The following ANKS1B variants were observed in gnomAD, a reference collection of about 807,000 sequenced individuals.
The protein encoded by ANKS1B is ankyrin repeat and sterile alpha motif domain-containing protein 1B.
ANKS1B carries 36 observed loss-of-function variants against 148.3 expected under a neutral mutation model. The observed-to-expected ratio is 0.24, with a 90% CI of 0.19 to 0.32. The LOEUF is 0.32. Ranked by LOEUF, ANKS1B falls within the 10% of genes least tolerant of loss-of-function variation. The probability of loss-of-function intolerance (pLI) is 1.00; values close to 1 mark genes in which losing one functional copy is unlikely to be tolerated. For synonymous variants in ANKS1B, 542 were observed against 560.8 expected, an observed-to-expected ratio of 0.97 and a Z score of 0.47; for missense variants, 1,157 against 1,542.6, an observed-to-expected ratio of 0.75 and a Z score of 4.19.
At chr12:99,827,241 C>T (rs978710208) in intron 1 of ANKS1B, among the ~76,000 whole-genome samples, 2 of 152,030 alleles carry the variant, frequency 1.3e-5, no homozygotes, top group Non-Finnish European at 2.9e-5. Context: ...TATATCTAAA[C>T]ATTTTCTATG....
intron 12 of ANKS1B, among the ~76,000 whole-genome samples, chr12:99,265,501 G>A (rs2153985068): frequency 6.6e-6 from 1 of 152,272 alleles, no homozygotes; most frequent in South Asian, 2.1e-4. Flanking sequence ...ATGTGATTCT[G>A]ATGCACATTA....
At chr12:98,892,546 T>C (rs1466528617) in intron 17 of ANKS1B, among the ~76,000 whole-genome samples, 3 of 152,262 alleles carry the variant, frequency 2.0e-5, no homozygotes, top group Non-Finnish European at 4.4e-5. Flanking sequence ...TCATATGCAG[T>C]AAATTAATAG....
At chr12:99,745,627 T>C (rs2060523825) in intron 8 of ANKS1B, among the ~76,000 whole-genome samples, 1 of 152,112 alleles carries the variant, frequency 6.6e-6, no homozygotes, top group South Asian at 2.1e-4. Context: ...GCACAAATTG[T>C]AAGCATCAGA....
intron 14 of ANKS1B, among the ~76,000 whole-genome samples, chr12:99,219,787 T>C (rs758358803): frequency 7.9e-5 from 12 of 152,202 alleles, no homozygotes; most frequent in African/African-American, 2.9e-4. Context: ...AATTCAGTCT[T>C]TGAGCATAGC....
At chr12:99,319,359 T>C (rs1242406108) in intron 12 of ANKS1B, among the ~76,000 whole-genome samples, 2 of 152,226 alleles carry the variant, frequency 1.3e-5, no homozygotes, top group Admixed American at 6.5e-5. Context: ...TACTCCTGTA[T>C]TGGGTGCATA....
intron 1 of ANKS1B, among the ~76,000 whole-genome samples, chr12:99,832,966 C>G (rs753692900): frequency 3.0e-4 from 46 of 152,162 alleles, no homozygotes; most frequent in Admixed American, 3.0e-3. Flanking sequence ...TTGTGTGTGT[C>G]TGGAGCATTC....
At position 99,303,740 on chromosome 12, in the gene ANKS1B, G is replaced by T. The variant is rs368216738; in HGVS notation, c.1757-56876C>A. Among the ~76,000 whole-genome samples the T allele has an allele frequency of 5.9e-5, 9 of 151,930 alleles. No homozygotes were observed. The East Asian group carries it at 1.7e-3, about 29-fold the overall frequency. On this transcript the variant is annotated intron_variant, in intron 12 of 26. Transcript: ENST00000683438. ...TTTGGTGCACCCATTACCCAAGGAGGGTACACTGTACTCAATGTGTAGTCT... is the reference window on the plus strand; with the variant it reads ...TTTGGTGCACCCATTACCCAAGGAGTGTACACTGTACTCAATGTGTAGTCT...
At chr12:99,405,884 G>A (rs1352843718) in intron 11 of ANKS1B, among the ~76,000 whole-genome samples, 5 of 145,154 alleles carry the variant, frequency 3.4e-5, no homozygotes, top group Admixed American at 6.8e-5. Flanking sequence ...AAGAGCAGTC[G>A]TAGCTATACT....
chr12:99,648,473 G>A (rs1236119068), intron 9 of ANKS1B: 1 of 1,614,054 alleles, frequency 6.2e-7, no homozygotes, highest in Non-Finnish European at 8.5e-7. Context: ...AATGCCAGGT[G>A]TGGTCCTGCC....
intron 17 of ANKS1B, among the ~76,000 whole-genome samples, chr12:99,044,487 A>G (rs2099961048): frequency 6.6e-6 from 1 of 152,194 alleles, no homozygotes; most frequent in Non-Finnish European, 1.5e-5. Flanking sequence ...TCTCCTGGGC[A>G]TACTGGGAAG....
intron 17 of ANKS1B, among the ~76,000 whole-genome samples, chr12:98,924,895 G>T (rs998829100): frequency 6.6e-6 from 1 of 152,134 alleles, no homozygotes; most frequent in Admixed American, 6.5e-5. Flanking sequence ...AATTTCCATA[G>T]CTCAATGAGT....
At chr12:98,929,459 A>C (rs2099811869) in intron 17 of ANKS1B, among the ~76,000 whole-genome samples, 1 of 152,084 alleles carries the variant, frequency 6.6e-6, no homozygotes, top group Admixed American at 6.6e-5. Flanking sequence ...CAAAGGACCC[A>C]AGATAGCCAC....
intron 15 of ANKS1B, among the ~76,000 whole-genome samples, chr12:99,126,092 T>C (rs2064257013): frequency 6.6e-6 from 1 of 152,204 alleles, no homozygotes; most frequent in Non-Finnish European, 1.5e-5. Flanking sequence ...TTTGAGAAAT[T>C]CAGTGAAAAT....
At chr12:99,654,728 A>T (rs1370183534) in intron 9 of ANKS1B, among the ~76,000 whole-genome samples, 1 of 152,130 alleles carries the variant, frequency 6.6e-6, no homozygotes, top group African/African-American at 2.4e-5. Flanking sequence ...ATGTTTCCTT[A>T]TATCTGTAGA....
intron 9 of ANKS1B, among the ~76,000 whole-genome samples, chr12:99,546,784 C>A (rs1199496982): frequency 6.6e-6 from 1 of 152,056 alleles, no homozygotes; most frequent in Non-Finnish European, 1.5e-5. Context: ...TTAACTATAA[C>A]AGGATTGTGA....
chr12:98,812,457 T>C (rs1336329109), intron 19 of ANKS1B, among the ~76,000 whole-genome samples: 1 of 152,230 alleles, frequency 6.6e-6, no homozygotes. Flanking sequence ...AACGATGCAT[T>C]TCTCAGAACG....
intron 8 of ANKS1B, among the ~76,000 whole-genome samples, chr12:99,737,737 C>T (rs946091605): frequency 1.3e-5 from 2 of 152,026 alleles, no homozygotes; most frequent in Admixed American, 1.3e-4. Flanking sequence ...CTATTTCCCC[C>T]CTACCTGTAT....
chr12:99,840,874 A>C (rs951155077), intron 1 of ANKS1B, among the ~76,000 whole-genome samples: 1 of 152,176 alleles, frequency 6.6e-6, no homozygotes, highest in Non-Finnish European at 1.5e-5. Flanking sequence ...TGATGAATTT[A>C]ACGGCATGCC....
intron 10 of ANKS1B, among the ~76,000 whole-genome samples, chr12:99,472,209 G>A (rs940749201): frequency 1.3e-5 from 2 of 151,848 alleles, no homozygotes; most frequent in Non-Finnish European, 2.9e-5. Context: ...TTTTTCCTTT[G>A]TATGACACTC....
Sources: allele counts gnomAD v4.1 joint callset (sites outside exome capture counted in the v4.1 genomes callset), GRCh38; gene constraint gnomAD v4.1.1; transcripts MANE v1.5; gene names NCBI Gene and HGNC (gene_info 2026-07-23, HGNC 2026-07-21).